The following CEP76 variants were observed in gnomAD, a reference collection of about 807,000 sequenced individuals.
CEP76 encodes the protein centrosomal protein of 76 kDa.
CEP76 carries 55 observed loss-of-function variants against 83.3 expected under a neutral mutation model. The ratio of observed to expected loss-of-function variants is 0.66; its 90% confidence interval spans 0.53 to 0.83. The LOEUF is 0.83. CEP76 is among the 40% of genes least tolerant of loss of function. The pLI is 0.00. For synonymous variants in CEP76, 270 were observed against 274.5 expected, an observed-to-expected ratio of 0.98 and a Z score of 0.16; for missense variants, 694 against 799.5, an observed-to-expected ratio of 0.87 and a Z score of 1.59.
Position 12,686,331 on chromosome 18 carries a change from G to T in CEP76, c.1053C>A (p.Ala351=), listed in dbSNP as rs1394959560. The change falls in exon 8 of 12, where the codon GCC becomes GCA. Residue 351 remains alanine (A), a synonymous_variant. Transcript: ENST00000262127. ...GTTTACCTCCTCCTCCAATAACAGG[G>T]GCTCGTTCATAACCAAGGACATTAA... The part of the protein sequence containing the change: ...RFVNVLGYER[A]PVIGGGGKQE... 6.2e-7 allele frequency: 1 copy of T among 1,613,904 alleles called. No individual in the cohort carries two copies. Among genetic ancestry groups the T allele is most frequent in the African/African-American group, 1.3e-5 (1 of 74,878 alleles).
At chr18:12,691,305 A>G (rs1224485488) in intron 7 of CEP76, 54 bp downstream of exon 7, 6 of 1,145,946 alleles carry the variant, frequency 5.2e-6, no homozygotes, top group Admixed American at 2.4e-5. Context: ...ATTTACACAC[A>G]TAACAGTAAA....
chr18:12,667,869 T>A (rs1166473138), downstream of CEP76, among the ~76,000 whole-genome samples: 37 of 115,990 alleles, frequency 3.2e-4, no homozygotes, highest in East Asian at 2.0e-3. Flanking sequence ...TTTTTTTTTT[T>A]AAATAGAACA....
chr18:12,698,708 A>AT (rs1214129963), intron 4 of CEP76: 3 of 376,566 alleles, frequency 8.0e-6, no homozygotes, highest in Non-Finnish European at 1.4e-5. Context: ...CCTGCCTAGC[A>AT]TAACACTATG....
chr18:12,690,903 T>C (rs148204612), intron 7 of CEP76, among the ~76,000 whole-genome samples: 7 of 152,158 alleles, frequency 4.6e-5, no homozygotes, highest in Non-Finnish European at 1.0e-4. Flanking sequence ...TACAATTTTT[T>C]TTAAAACCCT....
chr18:12,694,826 T>G (rs2039891669), intron 6 of CEP76, among the ~76,000 whole-genome samples: 1 of 151,816 alleles, frequency 6.6e-6, no homozygotes, highest in African/African-American at 2.4e-5. Flanking sequence ...TTCTCCTGCC[T>G]CAGCCTCCCG....
chr18:12,692,956 G>A (rs1473246269), intron 6 of CEP76, among the ~76,000 whole-genome samples: 1 of 152,122 alleles, frequency 6.6e-6, no homozygotes, highest in Non-Finnish European at 1.5e-5. Context: ...CCCAGTAGCT[G>A]GGACTACAGG....
intron 7 of CEP76, among the ~76,000 whole-genome samples, chr18:12,690,403 T>C (rs1310628944): frequency 1.3e-5 from 2 of 152,018 alleles, no homozygotes; most frequent in Non-Finnish European, 2.9e-5. Flanking sequence ...ATATACAAAA[T>C]ATTTGAACTG....
At chr18:12,681,154 C>T (rs2039334067) in intron 8 of CEP76, among the ~76,000 whole-genome samples, 1 of 150,134 alleles carries the variant, frequency 6.7e-6, no homozygotes, top group South Asian at 2.1e-4. Context: ...GCTACAATCG[C>T]GCCACTGCAT....
Position 12,672,743 on chromosome 18 carries a change from G to C in CEP76, c.*622C>G. 1.0e-6 allele frequency: 1 copy of C among 972,516 alleles called. No homozygotes were observed. Among genetic ancestry groups the C allele is most frequent in the Non-Finnish European group, 1.2e-6 (1 of 818,036 alleles). 60.2% of individuals were successfully genotyped at this position (972,516 alleles called of 1,614,324 possible). ...ATCACAGTGATAAATATTTCTAAAT[G>C]ATTCATGTACTTTCATATGAGGTTA... On this transcript the variant is annotated 3_prime_UTR_variant, in exon 12 of 12. Coordinates refer to ENST00000262127, the MANE Select transcript of CEP76 (RefSeq NM_024899.4).
downstream of CEP76, among the ~76,000 whole-genome samples, chr18:12,667,772 AAAAAAG>A (rs1250583449): frequency 1.7e-4 from 26 of 150,462 alleles, no homozygotes; most frequent in South Asian, 4.2e-4. Context: ...AAAAAAAAAA[AAAAAAG>A]AAAAGAAAAG....
At chr18:12,691,864 T>TG (rs1441359174) in intron 6 of CEP76, among the ~76,000 whole-genome samples, 2 of 152,000 alleles carry the variant, frequency 1.3e-5, no homozygotes, top group African/African-American at 4.8e-5. Flanking sequence ...TACAGGCACG[T>TG]GCCACCACAC....
intron 12 of CEP76, among the ~76,000 whole-genome samples, chr18:12,665,657 A>C (rs1598604014): frequency 6.6e-6 from 1 of 152,300 alleles, no homozygotes; most frequent in East Asian, 1.9e-4. Flanking sequence ...AGCTTAACCT[A>C]AATTTATAAG....
chr18:12,691,256 A>AT, intron 7 of CEP76, 103 bp downstream of exon 7: 2 of 731,068 alleles, frequency 2.7e-6, no homozygotes, highest in Non-Finnish European at 4.1e-6. Context: ...ATACACTTTT[A>AT]TTTTTTGGAA....
At chr18:12,682,673 G>T (rs1408072279) in intron 8 of CEP76, among the ~76,000 whole-genome samples, 1 of 151,892 alleles carries the variant, frequency 6.6e-6, no homozygotes, top group African/African-American at 2.4e-5. Flanking sequence ...CTGTCACCCA[G>T]GCTGGAATGC....
chr18:12,663,667 G>C (rs2038744309), intron 12 of CEP76, among the ~76,000 whole-genome samples: 1 of 152,172 alleles, frequency 6.6e-6, no homozygotes, highest in Non-Finnish European at 1.5e-5. Flanking sequence ...AGAGTTTTGT[G>C]TTGTGTAAAT....
At chr18:12,671,642 CTTTTTTTT>C (rs869130220), downstream of CEP76, among the ~76,000 whole-genome samples, 2 of 55,544 alleles carry the variant, frequency 3.6e-5, no homozygotes, top group Non-Finnish European at 7.2e-5. Context: ...TTCACACTTT[CTTTTTTTT>C]TTTTTTTTTT....
chr18:12,665,991 G>C (rs61407614), intron 12 of CEP76, among the ~76,000 whole-genome samples: 4,984 of 147,698 alleles, frequency 0.034, 158 homozygotes, highest in East Asian at 0.13. Flanking sequence ...CACCGTGCCC[G>C]GCCCAACACA....
At chr18:12,662,320 G>C in intron 12 of CEP76, among the ~76,000 whole-genome samples, 1 of 152,118 alleles carries the variant, frequency 6.6e-6, no homozygotes, top group East Asian at 1.9e-4. Flanking sequence ...CAACTTGAAG[G>C]GTCAGATATT....
At chr18:12,690,235 T>C (rs2039702730) in intron 7 of CEP76, among the ~76,000 whole-genome samples, 1 of 152,188 alleles carries the variant, frequency 6.6e-6, no homozygotes, top group Admixed American at 6.5e-5. Flanking sequence ...CAACCTCTCA[T>C]TCCCAAGCTC....
Sources: allele counts gnomAD v4.1 joint callset (sites outside exome capture counted in the v4.1 genomes callset), GRCh38; gene constraint gnomAD v4.1.1; transcripts MANE v1.5; gene names NCBI Gene and HGNC (gene_info 2026-07-23, HGNC 2026-07-21).